SLC15A5: variants seen among roughly 807,000 people sequenced by gnomAD.
SLC15A5 encodes the protein solute carrier family 15 member 5, also known as Peptide/histidine transporter ENSP00000340402.
Under a neutral mutation model 56.1 loss-of-function variants are expected in SLC15A5, and 58 were observed. The observed-to-expected ratio is 1.03, with a 90% CI of 0.84 to 1.29. The LOEUF (loss-of-function observed/expected upper bound fraction) is 1.29. Ranked by LOEUF, SLC15A5 falls within the 50% of genes most tolerant of loss-of-function variation. The probability of loss-of-function intolerance (pLI) is 0.00; values close to 1 mark genes in which losing one functional copy is unlikely to be tolerated. For missense variants in SLC15A5, 681 were observed against 672.1 expected, an observed-to-expected ratio of 1.01 and a Z score of -0.15; for synonymous variants, 264 against 250.5, an observed-to-expected ratio of 1.05 and a Z score of -0.51.
intron 5 of SLC15A5, among the ~76,000 whole-genome samples, chr12:16,239,206 T>C (rs1591651842): frequency 6.6e-6 from 1 of 151,126 alleles, no homozygotes. Context: ...TTTTATGTCC[T>C]ATTGATTATG....
intron 8 of SLC15A5, among the ~76,000 whole-genome samples, chr12:16,193,970 C>T (rs374485766): frequency 4.6e-5 from 7 of 151,708 alleles, no homozygotes; most frequent in Admixed American, 2.0e-4. Flanking sequence ...ATTTAAAAGC[C>T]TGAATAGGAT....
intron 3 of SLC15A5, among the ~76,000 whole-genome samples, chr12:16,246,038 C>T (rs1864458100): frequency 6.6e-6 from 1 of 152,178 alleles, no homozygotes; most frequent in African/African-American, 2.4e-5. Context: ...TGGAGCCTTT[C>T]ACCTCTAAGT....
chr12:16,192,864 T>C (rs1198202237), intron 8 of SLC15A5, among the ~76,000 whole-genome samples: 2 of 152,126 alleles, frequency 1.3e-5, no homozygotes, highest in African/African-American at 2.4e-5. Context: ...AAAAGCCTTA[T>C]GATACAGTTA....
chr12:16,214,860 G>A (rs994663694), intron 7 of SLC15A5, among the ~76,000 whole-genome samples: 3 of 152,098 alleles, frequency 2.0e-5, no homozygotes, highest in African/African-American at 7.2e-5. Context: ...CAGCTTGTCA[G>A]AGGTGATGAC....
intron 2 of SLC15A5, among the ~76,000 whole-genome samples, chr12:16,260,064 CTA>C (rs1864628630): frequency 1.3e-5 from 2 of 152,168 alleles, no homozygotes; most frequent in South Asian, 4.1e-4. Context: ...TCTGCTGAAA[CTA>C]TTAGGCCAGG....
chr12:16,226,617 G>A (rs551353158), intron 5 of SLC15A5, among the ~76,000 whole-genome samples: 5 of 152,242 alleles, frequency 3.3e-5, no homozygotes, highest in Admixed American at 2.6e-4. Flanking sequence ...ACAGCTATTA[G>A]AGAAGGACTA....
intron 3 of SLC15A5, among the ~76,000 whole-genome samples, chr12:16,248,748 G>T (rs1447238390): frequency 6.6e-6 from 1 of 151,952 alleles, no homozygotes; most frequent in Non-Finnish European, 1.5e-5. Context: ...TGTCATGTAG[G>T]CTCAGCCTTT....
In SLC15A5 at chr12:16,189,508, A is replaced by G. The variant is rs1048444947; in HGVS notation, c.*160T>C. ...TAATGCAAAAGCATGACAGTTTACT[A>G]GAAAATTCATAATTAGTCTTTGTAA... On this transcript the variant is annotated 3_prime_UTR_variant, in exon 9 of 9. Transcript: ENST00000344941. The G allele has an allele frequency of 3.8e-6, 2 of 519,630 alleles. No homozygotes were observed. Among genetic ancestry groups the G allele is most frequent in the African/African-American group, 2.0e-5 (1 of 50,710 alleles). 32.2% of individuals were successfully genotyped at this position (519,630 alleles called of 1,614,324 possible). A position where few individuals can be genotyped will look rare whatever the true frequency, so the allele number is the denominator to read the frequency against.
chr12:16,190,503 A>C lies in SLC15A5; in HGVS notation c.1593-688T>G, dbSNP rs147307679. ...ATTACTTTCTTAAACACTTTCGGGT[A>C]AGTTCCAGCAAAATAGGAACTTCAA... On this transcript the variant is annotated intron_variant, in intron 8 of 8. Transcript: ENST00000344941. Among the ~76,000 whole-genome samples, 8 of 152,312 alleles carry C rather than the reference A, an allele frequency of 5.3e-5. No individual in the cohort carries two copies. The East Asian group carries it at 1.5e-3, about 29-fold the overall frequency.
At chr12:16,218,321 C>T (rs1864151145) in intron 6 of SLC15A5, among the ~76,000 whole-genome samples, 1 of 152,106 alleles carries the variant, frequency 6.6e-6, no homozygotes. Flanking sequence ...CTCTTTTGTG[C>T]TTTGCGAATC....
intron 5 of SLC15A5, among the ~76,000 whole-genome samples, chr12:16,231,369 A>T (rs1354149771): frequency 6.6e-6 from 1 of 152,216 alleles, no homozygotes; most frequent in Non-Finnish European, 1.5e-5. Flanking sequence ...AATGGTGGAC[A>T]AAAATTGAAA....
At chr12:16,260,591 C>T (rs1423646740) in intron 2 of SLC15A5, among the ~76,000 whole-genome samples, 2 of 150,964 alleles carry the variant, frequency 1.3e-5, no homozygotes, top group Non-Finnish European at 2.9e-5. Flanking sequence ...CAAATGTTTT[C>T]TTATAATCTG....
At chr12:16,206,250 T>A (rs1051574589) in intron 7 of SLC15A5, among the ~76,000 whole-genome samples, 2 of 152,160 alleles carry the variant, frequency 1.3e-5, no homozygotes, top group Admixed American at 1.3e-4. Flanking sequence ...CTCTTACATA[T>A]GATGGGGCTA....
rs1471518739 is a variant in SLC15A5 at position 16,235,529 on chromosome 12, C to T, written c.1162+4152G>A. ...GCATATTAGATGATCTACCTCACCT[C>T]TGATTTAATTCCAACTTGATGTTAC... is the stretch of plus-strand genomic sequence containing the variant. On this transcript the variant is annotated intron_variant, in intron 5 of 8. Transcript: ENST00000344941. The surrounding 1 kb of genome is among the most constrained non-coding windows in gnomAD (Gnocchi z 4.1). 1.3e-5 allele frequency among the ~76,000 whole-genome samples: 2 copies of T among 151,992 alleles called. No homozygotes were observed. Among genetic ancestry groups the T allele is most frequent in the African/African-American group, 2.4e-5 (1 of 41,426 alleles).
chr12:16,201,610 TAGTG>T (rs1863957333), intron 7 of SLC15A5, among the ~76,000 whole-genome samples: 3 of 152,090 alleles, frequency 2.0e-5, no homozygotes, highest in Admixed American at 2.0e-4. Context: ...GTTCTCATGA[TAGTG>T]AGTGAGTTAT....
rs184985066 is a variant in SLC15A5 at position 16,195,457 on chromosome 12, A to G, written c.1484-1004T>C. On this transcript the variant is annotated intron_variant, in intron 7 of 8. Coordinates refer to ENST00000344941, the MANE Select transcript of SLC15A5 (RefSeq NM_001170798.1). ...TTAAAAGGGAAAAATCTAACTTAAC[A>G]GAGAGAATTTAATTTAACTGTAGCT... Among the ~76,000 whole-genome samples, 1,211 of 152,258 alleles carry G rather than the reference A, an allele frequency of 8.0e-3. 9 individuals are homozygous for G. Among genetic ancestry groups the G allele is most frequent in the Non-Finnish European group, 0.013 (912 of 67,996 alleles).
At chr12:16,249,425 G>A (rs978592261) in intron 3 of SLC15A5, among the ~76,000 whole-genome samples, 2 of 152,028 alleles carry the variant, frequency 1.3e-5, no homozygotes, top group African/African-American at 4.8e-5. Context: ...AGTTGGGTGA[G>A]CTTAGAAATA....
intron 3 of SLC15A5, among the ~76,000 whole-genome samples, chr12:16,247,647 C>G (rs1864475095): frequency 6.6e-6 from 1 of 151,970 alleles, no homozygotes; most frequent in Non-Finnish European, 1.5e-5. Flanking sequence ...AAACATATGC[C>G]AGGCTTATCA....
chr12:16,277,129 AACAC>A (rs59004314), intron 1 of SLC15A5, among the ~76,000 whole-genome samples, 192 bp downstream of exon 1: 6 of 150,168 alleles, frequency 4.0e-5, no homozygotes, highest in Non-Finnish European at 5.9e-5. Context: ...AACATTCTCT[AACAC>A]ACACACACAC....
Sources: allele counts gnomAD v4.1 joint callset (sites outside exome capture counted in the v4.1 genomes callset), GRCh38; gene constraint gnomAD v4.1.1; non-coding constraint Gnocchi (gnomAD v3.1); transcripts MANE v1.5; gene names NCBI Gene and HGNC (gene_info 2026-07-23, HGNC 2026-07-21).